Variants in PTPRO observed in about 807,000 individuals in gnomAD.
PTPRO encodes the protein protein tyrosine phosphatase receptor type O.
Under a neutral mutation model 145.2 loss-of-function variants are expected in PTPRO, and 62 were observed. The observed-to-expected ratio is 0.43, with a 90% CI of 0.35 to 0.53. PTPRO has a LOEUF of 0.53. PTPRO is among the 20% of genes least tolerant of loss of function. The pLI is 0.01. For synonymous variants in PTPRO, 565 were observed against 514.7 expected, an observed-to-expected ratio of 1.10 and a Z score of -1.32; for missense variants, 1,345 against 1,482.7, an observed-to-expected ratio of 0.91 and a Z score of 1.53.
chr12:15,568,468 C>T (rs1943959344), intron 18 of PTPRO, among the ~76,000 whole-genome samples: 1 of 140,352 alleles, frequency 7.1e-6, no homozygotes, highest in African/African-American at 2.6e-5. Flanking sequence ...ACAAAAAAGA[C>T]CACAGTTAGA....
chr12:15,329,996 A>G (rs1762174636), intron 1 of PTPRO, among the ~76,000 whole-genome samples: 12 of 152,240 alleles, frequency 7.9e-5, no homozygotes, highest in Admixed American at 7.8e-4. Flanking sequence ...ATGCAGATAT[A>G]TATCAAAGGC....
intron 24 of PTPRO, 63 bp downstream of exon 24, chr12:15,587,114 C>T: frequency 6.4e-7 from 1 of 1,567,184 alleles, no homozygotes; most frequent in Non-Finnish European, 8.8e-7. Flanking sequence ...GGGAACAGCT[C>T]ACCATTCCAT....
chr12:15,361,874 A>G (rs1314205546), intron 1 of PTPRO, among the ~76,000 whole-genome samples: 1 of 152,220 alleles, frequency 6.6e-6, no homozygotes, highest in Non-Finnish European at 1.5e-5. Flanking sequence ...AATTCATGTT[A>G]TAAATTAAAT....
intron 1 of PTPRO, among the ~76,000 whole-genome samples, chr12:15,426,895 T>C (rs535622378): frequency 5.4e-4 from 82 of 152,040 alleles, no homozygotes; most frequent in Non-Finnish European, 8.8e-4. Flanking sequence ...TATTGACTGT[T>C]AATATATTAT....
intron 1 of PTPRO, among the ~76,000 whole-genome samples, chr12:15,449,625 T>C (rs1940996584): frequency 6.6e-6 from 1 of 152,222 alleles, no homozygotes; most frequent in African/African-American, 2.4e-5. Context: ...AAGTGATGGA[T>C]ATGTTAAATT....
At chr12:15,464,893 A>G (rs1941384405) in intron 1 of PTPRO, among the ~76,000 whole-genome samples, 1 of 152,184 alleles carries the variant, frequency 6.6e-6, no homozygotes, top group South Asian at 2.1e-4. Flanking sequence ...TAGAACTTGT[A>G]CCATTAAAAT....
At chr12:15,497,200 C>G (rs1218681557) in intron 2 of PTPRO, 45 bp from the exon 3 acceptor site, 5 of 1,500,732 alleles carry the variant, frequency 3.3e-6, no homozygotes, top group Non-Finnish European at 4.6e-6. Context: ...CGGCCTTTCT[C>G]TCTCCTCTTT....
intron 25 of PTPRO, among the ~76,000 whole-genome samples, chr12:15,592,011 A>G (rs749513037): frequency 1.1e-4 from 16 of 152,068 alleles, no homozygotes; most frequent in Non-Finnish European, 1.9e-4. Flanking sequence ...ACTTTTTCCA[A>G]CTTTTCTAGC....
At chr12:15,592,125 A>G (rs1353894093) in intron 25 of PTPRO, among the ~76,000 whole-genome samples, 1 of 151,582 alleles carries the variant, frequency 6.6e-6, no homozygotes, top group Non-Finnish European at 1.5e-5. Flanking sequence ...TTCTTCATTT[A>G]CCTTTATTTT....
intron 23 of PTPRO, among the ~76,000 whole-genome samples, chr12:15,583,110 T>G (rs1256218037): frequency 6.6e-6 from 1 of 152,244 alleles, no homozygotes; most frequent in Non-Finnish European, 1.5e-5. Context: ...TAGCAAACTG[T>G]AGCCTGTGGA....
intron 10 of PTPRO, among the ~76,000 whole-genome samples, chr12:15,524,337 T>C (rs916245178): frequency 2.6e-5 from 4 of 152,128 alleles, no homozygotes; most frequent in Non-Finnish European, 5.9e-5. Context: ...ACTATGATCT[T>C]CTATCTTCCT....
intron 1 of PTPRO, among the ~76,000 whole-genome samples, chr12:15,337,058 T>C (rs1422155802): frequency 6.6e-6 from 1 of 152,186 alleles, no homozygotes; most frequent in Non-Finnish European, 1.5e-5. Context: ...AATATTTTCC[T>C]TTCCAGTTGT....
chr12:15,578,818 A>C, intron 19 of PTPRO, 35 bp from the exon 20 acceptor site: 4 of 1,468,076 alleles, frequency 2.7e-6, no homozygotes, highest in Non-Finnish European at 3.8e-6. Context: ...CACACCACGT[A>C]TGGAACTCTC....
At chr12:15,520,080 C>T in intron 9 of PTPRO, 121 bp from the exon 10 acceptor site, 2 of 659,424 alleles carry the variant, frequency 3.0e-6, no homozygotes, top group Non-Finnish European at 5.5e-6. Flanking sequence ...TTAGGAAACA[C>T]AAAAAGACAA....
intron 1 of PTPRO, among the ~76,000 whole-genome samples, chr12:15,366,726 G>T (rs1389552329): frequency 2.0e-5 from 3 of 152,142 alleles, no homozygotes; most frequent in African/African-American, 7.2e-5. Flanking sequence ...ATCTTCACCT[G>T]TTGGAATGTG....
intron 19 of PTPRO, among the ~76,000 whole-genome samples, chr12:15,574,139 T>C (rs1944124329): frequency 6.6e-6 from 1 of 152,254 alleles, no homozygotes; most frequent in South Asian, 2.1e-4. Flanking sequence ...TTATAGATAC[T>C]ACCAATACAG....
chr12:15,469,873 G>C (rs1442868048), intron 1 of PTPRO, among the ~76,000 whole-genome samples: 1 of 151,646 alleles, frequency 6.6e-6, no homozygotes, highest in Non-Finnish European at 1.5e-5. Flanking sequence ...TACTGTTTTT[G>C]GAGGATCTCC....
chr12:15,391,080 C>T (rs1201143159), intron 1 of PTPRO, among the ~76,000 whole-genome samples: 1 of 152,136 alleles, frequency 6.6e-6, no homozygotes, highest in Non-Finnish European at 1.5e-5. Context: ...TCTAAAGTAC[C>T]TTCTAAAGGC....
Position 15,561,260 on chromosome 12 carries a change from G to T in PTPRO, c.2711+984G>T, listed in dbSNP as rs1018718620. The stretch of plus-strand genomic sequence containing the variant: ...AGACTGGAAAAAAAATAGCTTATGG[G>T]GTGGTGGTGCGGGTATGAAAAGCAA... On this transcript the variant is annotated intron_variant, in intron 17 of 26. Coordinates refer to ENST00000281171, the MANE Select transcript of PTPRO (RefSeq NM_030667.3). Among the ~76,000 whole-genome samples, 13 of 152,014 alleles carry T rather than the reference G, an allele frequency of 8.6e-5. 1 individual carries two copies. The highest frequency in any genetic ancestry group is 1.9e-4 in the Non-Finnish European group (13 of 67,950).
Sources: allele counts gnomAD v4.1 joint callset (sites outside exome capture counted in the v4.1 genomes callset), GRCh38; gene constraint gnomAD v4.1.1; transcripts MANE v1.5; gene names NCBI Gene and HGNC (gene_info 2026-07-23, HGNC 2026-07-21).